KCNT2: variants seen among roughly 807,000 people sequenced by gnomAD.
The protein encoded by KCNT2 is potassium sodium-activated channel subfamily T member 2.
A neutral mutation model predicts 153.8 loss-of-function variants in KCNT2; 67 were observed. The observed-to-expected ratio is 0.44, with a 90% CI of 0.36 to 0.53. The LOEUF (loss-of-function observed/expected upper bound fraction) is 0.53, where lower values mean the gene tolerates loss of function less well. Ranked by LOEUF, KCNT2 falls within the 20% of genes least tolerant of loss-of-function variation. KCNT2 has a pLI of 0.00. For missense variants in KCNT2, 975 were observed against 1,354.8 expected, an observed-to-expected ratio of 0.72 and a Z score of 4.40; for synonymous variants, 500 against 458.8, an observed-to-expected ratio of 1.09 and a Z score of -1.15.
At chr1:196,540,175 A>G (rs1656159719) in intron 1 of KCNT2, among the ~76,000 whole-genome samples, 1 of 152,156 alleles carries the variant, frequency 6.6e-6, no homozygotes, top group African/African-American at 2.4e-5. Context: ...AAAAAAGAAT[A>G]TGCACTTTTA....
At chr1:196,345,931 G>A (rs992474700) in intron 14 of KCNT2, among the ~76,000 whole-genome samples, 4 of 152,018 alleles carry the variant, frequency 2.6e-5, no homozygotes, top group African/African-American at 9.7e-5. Flanking sequence ...TAAAATAATA[G>A]TCTGCAGATT....
chr1:196,409,106 C>T (rs1269962731), intron 12 of KCNT2, among the ~76,000 whole-genome samples: 2 of 149,752 alleles, frequency 1.3e-5, no homozygotes, highest in Non-Finnish European at 3.0e-5. Flanking sequence ...ATCCTTTACT[C>T]AATACAAAAT....
chr1:196,543,912 A>G (rs550107418), intron 1 of KCNT2, among the ~76,000 whole-genome samples: 1 of 151,446 alleles, frequency 6.6e-6, no homozygotes, highest in South Asian at 2.1e-4. Context: ...CAGAAATATA[A>G]TTGTGTATTT....
At position 196,465,300 on chromosome 1, in the gene KCNT2, A is replaced by T. The variant is rs568948528; in HGVS notation, c.631T>A (p.Phe211Ile). 5 of 1,534,468 alleles carry T rather than the reference A, an allele frequency of 3.3e-6. No homozygotes were observed. The highest frequency in any genetic ancestry group is 1.1e-5 in the South Asian group (1 of 88,764). Reference protein sequence around the residue: ...ILISTLLCLIFTCICGIQHLE... With the variant: ...ILISTLLCLIITCICGIQHLE... ...TGATATGTACAATCTTACCAGGTGA[A>T]GATAAGGCATAGTAATGTAGATATT... Residue 211 changes from phenylalanine (F) to isoleucine (I), a missense_variant, in exon 8 of 28, where the codon TTC (phenylalanine) becomes ATC (isoleucine). This residue lies in a region of KCNT2 where 202 missense variants were observed against 314.9 expected (regional missense o/e 0.64). Coordinates refer to ENST00000294725, the MANE Select transcript of KCNT2 (RefSeq NM_198503.5).
intron 5 of KCNT2, among the ~76,000 whole-genome samples, chr1:196,478,128 T>C (rs1485434841): frequency 2.0e-5 from 3 of 152,252 alleles, no homozygotes; most frequent in Non-Finnish European, 2.9e-5. Flanking sequence ...TAGAATGCTA[T>C]GAATTTCCTT....
chr1:196,595,815 T>G (rs1397887853), intron 1 of KCNT2, among the ~76,000 whole-genome samples: 1 of 151,836 alleles, frequency 6.6e-6, no homozygotes, highest in Non-Finnish European at 1.5e-5. Flanking sequence ...GTACACAATA[T>G]ATAGTCTTTT....
At chr1:196,537,843 G>T (rs549994774) in intron 1 of KCNT2, among the ~76,000 whole-genome samples, 151 of 152,280 alleles carry the variant, frequency 9.9e-4, no homozygotes, top group African/African-American at 3.4e-3. Flanking sequence ...CTTATCTCTC[G>T]TGGGGGCGGG....
intron 7 of KCNT2, among the ~76,000 whole-genome samples, chr1:196,466,638 A>C (rs1292786042): frequency 6.6e-6 from 1 of 152,030 alleles, no homozygotes; most frequent in Non-Finnish European, 1.5e-5. Flanking sequence ...ATCTGTGTAC[A>C]TTTTGTATAT....
chr1:196,269,527 G>A (rs575060898), intron 25 of KCNT2, among the ~76,000 whole-genome samples: 5 of 152,210 alleles, frequency 3.3e-5, no homozygotes, highest in East Asian at 1.9e-4. Flanking sequence ...GTAAGCAGAA[G>A]AGAAATTAGG....
intron 1 of KCNT2, among the ~76,000 whole-genome samples, chr1:196,493,477 T>C (rs1403028216): frequency 1.3e-5 from 2 of 152,162 alleles, no homozygotes; most frequent in African/African-American, 2.4e-5. Context: ...ATAAACCCTC[T>C]ACTACCCTGT....
chr1:196,373,113 GTTAAC>G, intron 14 of KCNT2, 22 bp downstream of exon 14: 1 of 1,070,950 alleles, frequency 9.3e-7, no homozygotes, highest in Non-Finnish European at 1.4e-6. Flanking sequence ...AATTTAAAAG[GTTAAC>G]TTAAAGAAAA....
intron 13 of KCNT2, among the ~76,000 whole-genome samples, chr1:196,384,622 G>A (rs186666684): frequency 6.8e-6 from 1 of 147,658 alleles, no homozygotes; most frequent in African/African-American, 2.5e-5. Context: ...AGAATCGCTT[G>A]AACCCAGGAG....
intron 1 of KCNT2, among the ~76,000 whole-genome samples, chr1:196,573,326 T>C (rs1345451826): frequency 6.6e-6 from 1 of 152,136 alleles, no homozygotes; most frequent in Non-Finnish European, 1.5e-5. Flanking sequence ...ATTCACTTCA[T>C]GGCTTTCTTG....
intron 27 of KCNT2, among the ~76,000 whole-genome samples, chr1:196,235,113 G>A (rs1444716772): frequency 1.3e-5 from 2 of 151,236 alleles, no homozygotes; most frequent in Non-Finnish European, 3.0e-5. Context: ...CTTTCCAGAG[G>A]CAAATATAAT....
At chr1:196,419,874 A>G (rs929139342) in intron 12 of KCNT2, among the ~76,000 whole-genome samples, 1 of 151,756 alleles carries the variant, frequency 6.6e-6, no homozygotes, top group African/African-American at 2.4e-5. Context: ...TGACCAGCAC[A>G]GATCTTTTCT....
chr1:196,373,873 T>A (rs1270896267), intron 13 of KCNT2, among the ~76,000 whole-genome samples: 1 of 151,848 alleles, frequency 6.6e-6, no homozygotes, highest in Non-Finnish European at 1.5e-5. Flanking sequence ...ACCCAAAAGA[T>A]GATAGGGTCC....
chr1:196,504,654 C>T lies in KCNT2; in HGVS notation c.96-12313G>A, dbSNP rs559189736. On this transcript the variant is annotated intron_variant, in intron 1 of 27. Transcript: ENST00000294725. Reference sequence around the variant, plus strand: ...TTCTAGTTCTAGATCCCTGAGGAATCGCCACACTGACTTCCACAATGGTTG... The same window carrying T: ...TTCTAGTTCTAGATCCCTGAGGAATTGCCACACTGACTTCCACAATGGTTG... Among the ~76,000 whole-genome samples, 5 of 152,266 alleles carry T rather than the reference C, an allele frequency of 3.3e-5. No homozygotes were observed. The East Asian group carries it at 5.8e-4, about 18-fold the overall frequency.
At chr1:196,469,125 G>A (rs1039944490) in intron 5 of KCNT2, 57 bp from the exon 6 acceptor site, 1 of 981,612 alleles carries the variant, frequency 1.0e-6, no homozygotes, top group Non-Finnish European at 1.6e-6. Flanking sequence ...CTATTAAAGG[G>A]GGAAAAAGAC....
chr1:196,336,461 C>T (rs570040761), intron 16 of KCNT2, among the ~76,000 whole-genome samples: 8 of 152,094 alleles, frequency 5.3e-5, no homozygotes, highest in Non-Finnish European at 1.0e-4. Flanking sequence ...AAATTAAGTT[C>T]CATGGCCTAT....
Sources: gnomAD v4.1 joint callset for allele counts (sites outside exome capture counted in the v4.1 genomes callset) on GRCh38, gnomAD v4.1.1 for gene constraint, gnomAD v4.1.1 regional missense constraint, MANE v1.5 for transcripts, NCBI Gene and HGNC (gene_info 2026-07-23, HGNC 2026-07-21) for gene names.